The following NALF1 variants were observed in gnomAD, a reference collection of about 807,000 sequenced individuals.
The protein encoded by NALF1 is NALCN channel auxiliary factor 1.
A neutral mutation model predicts 48.4 loss-of-function variants in NALF1; 3 were observed. The observed-to-expected ratio is 0.06, with a 90% confidence interval of 0.03 to 0.16. NALF1 has a LOEUF of 0.16. Ranked by LOEUF, NALF1 falls within the 10% of genes least tolerant of loss-of-function variation. NALF1 has a pLI of 1.00. For missense variants in NALF1, 526 were observed against 571.5 expected, an observed-to-expected ratio of 0.92 and a Z score of 0.81; for synonymous variants, 262 against 245.7, an observed-to-expected ratio of 1.07 and a Z score of -0.62.
At chr13:107,284,302 GA>G (rs1881447988) in intron 1 of NALF1, among the ~76,000 whole-genome samples, 1 of 142,642 alleles carries the variant, frequency 7.0e-6, no homozygotes, top group Admixed American at 7.2e-5. Flanking sequence ...AGTTTTCAAT[GA>G]AAAAACATCA....
intron 1 of NALF1, among the ~76,000 whole-genome samples, chr13:107,739,059 G>C (rs1332009172): frequency 2.0e-5 from 3 of 152,038 alleles, no homozygotes; most frequent in East Asian, 1.9e-4. Flanking sequence ...CTAATACAGG[G>C]ACAGAAAACC....
intron 1 of NALF1, among the ~76,000 whole-genome samples, chr13:107,708,210 C>A (rs1490858738): frequency 2.0e-5 from 3 of 152,132 alleles, no homozygotes; most frequent in Non-Finnish European, 4.4e-5. Flanking sequence ...TGTCTGAAAT[C>A]AGGAAACTCT....
At chr13:107,268,491 G>T (rs1417250290) in intron 1 of NALF1, among the ~76,000 whole-genome samples, 1 of 152,122 alleles carries the variant, frequency 6.6e-6, no homozygotes, top group Non-Finnish European at 1.5e-5. Flanking sequence ...TTCTTGGATT[G>T]TATCACTGTC....
chr13:107,765,536 G>T (rs1418958326), intron 1 of NALF1, among the ~76,000 whole-genome samples: 5 of 152,040 alleles, frequency 3.3e-5, no homozygotes, highest in African/African-American at 1.2e-4. Context: ...CATAGTATTT[G>T]CTTATTTCGT....
chr13:107,240,973 G>A (rs955070972), intron 1 of NALF1, among the ~76,000 whole-genome samples: 3 of 150,624 alleles, frequency 2.0e-5, no homozygotes, highest in African/African-American at 7.3e-5. Context: ...TTTCACTTTG[G>A]GAGGCTGAAG....
At chr13:107,507,638 A>G (rs1875745170) in intron 1 of NALF1, among the ~76,000 whole-genome samples, 1 of 147,820 alleles carries the variant, frequency 6.8e-6, no homozygotes, top group Admixed American at 6.8e-5. Context: ...AAACACACCC[A>G]AGACAGTAGG....
chr13:107,705,674 T>C (rs1434300621), intron 1 of NALF1, among the ~76,000 whole-genome samples: 1 of 152,086 alleles, frequency 6.6e-6, no homozygotes, highest in Non-Finnish European at 1.5e-5. Context: ...AATAAAATTA[T>C]CCCTATGATT....
At chr13:107,388,628 G>C (rs1883569810) in intron 1 of NALF1, among the ~76,000 whole-genome samples, 1 of 152,154 alleles carries the variant, frequency 6.6e-6, no homozygotes, top group South Asian at 2.1e-4. Flanking sequence ...CCTAGATAGA[G>C]ACACTGCAGG....
chr13:107,751,257 T>G (rs1298379470), intron 1 of NALF1, among the ~76,000 whole-genome samples: 1 of 152,214 alleles, frequency 6.6e-6, no homozygotes, highest in Admixed American at 6.5e-5. Context: ...ATATTTCACA[T>G]AGCTTTGCCC....
At chr13:107,707,187 G>T (rs970186284) in intron 1 of NALF1, among the ~76,000 whole-genome samples, 7 of 151,978 alleles carry the variant, frequency 4.6e-5, no homozygotes, top group Non-Finnish European at 8.8e-5. Context: ...CTCCCAAAGT[G>T]CTGGGATTAC....
intron 1 of NALF1, among the ~76,000 whole-genome samples, chr13:107,469,646 GT>G (rs540069391): frequency 1.4e-4 from 20 of 146,394 alleles, no homozygotes; most frequent in Admixed American, 2.7e-4. Flanking sequence ...GTATGTTTAA[GT>G]TTTTTTTATG....
At position 107,555,574 on chromosome 13, in the gene NALF1, C is replaced by T. The variant is rs1004006661; in HGVS notation, c.915+310108G>A. The stretch of plus-strand genomic sequence containing the variant: ...CCTCCCAAAGTGATGAGATTATAGG[C>T]GTGAGCTACCACGCCCAGCCAGATG... On this transcript the variant is annotated intron_variant, in intron 1 of 2. Coordinates refer to ENST00000375915, the MANE Select transcript of NALF1 (RefSeq NM_001080396.3). Among the ~76,000 whole-genome samples, 4 of 149,496 alleles carry T rather than the reference C, an allele frequency of 2.7e-5. No homozygotes were observed. The East Asian group carries it at 7.9e-4, about 29-fold the overall frequency.
At chr13:107,654,818 T>C (rs1183205844) in intron 1 of NALF1, among the ~76,000 whole-genome samples, 2 of 152,144 alleles carry the variant, frequency 1.3e-5, no homozygotes, top group Non-Finnish European at 2.9e-5. Flanking sequence ...GTAGGTTTCA[T>C]ACCAGGGCTG....
At chr13:107,761,386 G>GA (rs1877260512) in intron 1 of NALF1, among the ~76,000 whole-genome samples, 2 of 151,532 alleles carry the variant, frequency 1.3e-5, no homozygotes, top group Admixed American at 6.6e-5. Context: ...AAAAAAAAAG[G>GA]AAAAAAATGG....
intron 1 of NALF1, among the ~76,000 whole-genome samples, chr13:107,506,978 T>C (rs1017323178): frequency 2.0e-5 from 3 of 152,092 alleles, no homozygotes; most frequent in Non-Finnish European, 4.4e-5. Context: ...TCAGAAAATA[T>C]TTTTAATTAT....
chr13:107,782,701 C>T (rs1272757008), intron 1 of NALF1, among the ~76,000 whole-genome samples: 11 of 150,364 alleles, frequency 7.3e-5, no homozygotes, highest in Non-Finnish European at 1.0e-4. Context: ...GCCTTTGCCC[C>T]GCCGCCCCGT....
chr13:107,165,557 A>G lies in NALF1; in HGVS notation c.*4940T>C, dbSNP rs556192615. 12 of 152,310 alleles carry G rather than the reference A, an allele frequency of 7.9e-5. No individual in the cohort carries two copies. The highest frequency in any genetic ancestry group is 1.3e-4 in the Non-Finnish European group (9 of 68,026). 9.4% of individuals were successfully genotyped at this position (152,310 alleles called of 1,614,324 possible). On this transcript the variant is annotated 3_prime_UTR_variant, in exon 3 of 3. Coordinates refer to ENST00000375915, the MANE Select transcript of NALF1 (RefSeq NM_001080396.3). The stretch of plus-strand genomic sequence containing the variant: ...ATCTCAAGAATAAAAACCATAGTTC[A>G]TATTTTGTTTCATGCCTTAAGTTTT...
chr13:107,305,959 C>A (rs1343115018), intron 1 of NALF1, among the ~76,000 whole-genome samples: 1 of 152,080 alleles, frequency 6.6e-6, no homozygotes, highest in Non-Finnish European at 1.5e-5. Flanking sequence ...GTAATTTTTA[C>A]CTTAAACACT....
chr13:107,701,199 G>A lies in NALF1; in HGVS notation c.915+164483C>T, dbSNP rs76299146. Among the ~76,000 whole-genome samples, 1,320 of 152,254 alleles carry A rather than the reference G, an allele frequency of 8.7e-3. 22 individuals are homozygous for A. The highest frequency in any genetic ancestry group is 0.029 in the African/African-American group (1,210 of 41,558). On this transcript the variant is annotated intron_variant, in intron 1 of 2. Transcript: ENST00000375915. ...ATCCTTCACTCTCATGTGCATTGCA[G>A]CATTATTCCCAAGAGCCAAAATATG...
Sources: allele counts gnomAD v4.1 joint callset (sites outside exome capture counted in the v4.1 genomes callset), GRCh38; gene constraint gnomAD v4.1.1; transcripts MANE v1.5; gene names NCBI Gene and HGNC (gene_info 2026-07-23, HGNC 2026-07-21).